ZNF354B: variants seen among roughly 807,000 people sequenced by gnomAD.
ZNF354B encodes zinc finger protein 354B.
A neutral mutation model predicts 12.9 loss-of-function variants in ZNF354B; 10 were observed. That is an observed-to-expected ratio of 0.77 (90% CI 0.48 to 1.31). The LOEUF is 1.31. Among genes scored for constraint, ZNF354B ranks in the 40% most tolerant of loss-of-function variants. ZNF354B has a pLI of 0.00. For synonymous variants in ZNF354B, 260 were observed against 243.7 expected, an observed-to-expected ratio of 1.07 and a Z score of -0.62; for missense variants, 614 against 711.7, an observed-to-expected ratio of 0.86 and a Z score of 1.56.
rs746550681 is a variant in ZNF354B, at chr5:178,883,289, C to T, written c.837C>T (p.Phe279=). 2 of 1,613,414 alleles carry T rather than the reference C, an allele frequency of 1.2e-6. No individual in the cohort carries two copies. Among genetic ancestry groups the T allele is most frequent in the Admixed American group, 1.7e-5 (1 of 59,892 alleles). The change falls in exon 5 of 5, where the codon TTC becomes TTT. Residue 279 remains phenylalanine (F), a synonymous_variant. Coordinates refer to ENST00000322434, the MANE Select transcript of ZNF354B (RefSeq NM_058230.3). ...PYICKECGKA[F]SHSASLCKHL... ...TATGTAAAGAATGTGGGAAAGCCTT[C>T]AGCCATAGTGCATCCCTTTGTAAGC...
intron 4 of ZNF354B, among the ~76,000 whole-genome samples, chr5:178,869,034 G>A (rs1757512731): frequency 6.6e-6 from 1 of 152,118 alleles, no homozygotes; most frequent in Admixed American, 6.5e-5. Context: ...GTGAGGAGAA[G>A]GTAGAGCCAG....
chr5:178,870,618 G>A (rs1037263402), intron 4 of ZNF354B, among the ~76,000 whole-genome samples: 1 of 152,190 alleles, frequency 6.6e-6, no homozygotes, highest in African/African-American at 2.4e-5. Flanking sequence ...TCTTGGGTAG[G>A]CTGAATGGTG....
At chr5:178,879,625 C>T (rs909470542) in intron 4 of ZNF354B, among the ~76,000 whole-genome samples, 4 of 150,496 alleles carry the variant, frequency 2.7e-5, no homozygotes, top group South Asian at 2.1e-4. Flanking sequence ...GTGATCTGCC[C>T]GTCTCAGCCT....
At chr5:178,873,611 C>T (rs1757594011) in intron 4 of ZNF354B, among the ~76,000 whole-genome samples, 1 of 152,128 alleles carries the variant, frequency 6.6e-6, no homozygotes, top group African/African-American at 2.4e-5. Flanking sequence ...GTTTTCTTTT[C>T]TGTTCCATTG....
At chr5:178,861,923 C>G (rs1343305855) in intron 2 of ZNF354B, among the ~76,000 whole-genome samples, 1 of 152,118 alleles carries the variant, frequency 6.6e-6, no homozygotes, top group African/African-American at 2.4e-5. Flanking sequence ...GGAAAGTGTT[C>G]GGATCAGGGC....
At chr5:178,871,373 G>A (rs1757562909) in intron 4 of ZNF354B, among the ~76,000 whole-genome samples, 1 of 152,192 alleles carries the variant, frequency 6.6e-6, no homozygotes, top group Non-Finnish European at 1.5e-5. Context: ...CGTCCATGTG[G>A]CTCACTCACT....
At position 178,884,207 on chromosome 5, in the gene ZNF354B, A is replaced by G; in HGVS notation, c.1755A>G (p.Lys585=). ...CCTATGAATGTAATGCATGTGGGAA[A>G]CTCTTTAGCCAGAGGTCATCCCTTA... ...EKPYECNACG[K]LFSQRSSLTN... Residue 585 remains lysine, a synonymous_variant, in exon 5 of 5, where the codon AAA becomes AAG. Coordinates refer to ENST00000322434, the MANE Select transcript of ZNF354B (RefSeq NM_058230.3). 6.2e-7 allele frequency: 1 copy of G among 1,613,928 alleles called. No homozygotes were observed. Among genetic ancestry groups the G allele is most frequent in the Non-Finnish European group, 8.5e-7 (1 of 1,179,894 alleles).
intron 4 of ZNF354B, among the ~76,000 whole-genome samples, chr5:178,876,288 G>T (rs529190283): frequency 6.6e-6 from 1 of 152,356 alleles, no homozygotes; most frequent in African/African-American, 2.4e-5. Flanking sequence ...GTGGGGAACA[G>T]TCTGGCCGCG....
chr5:178,882,682 T>C, intron 4 of ZNF354B, 27 bp from the exon 5 acceptor site: 1 of 1,525,720 alleles, frequency 6.6e-7, no homozygotes, highest in African/African-American at 1.4e-5. Context: ...AATCATGGGC[T>C]GTTGCTTTCT....
chr5:178,883,329 A>G lies in ZNF354B; in HGVS notation c.877A>G (p.Thr293Ala), dbSNP rs1382268283. 1 of 1,613,950 alleles carries G rather than the reference A, an allele frequency of 6.2e-7. No individual in the cohort carries two copies. Among genetic ancestry groups the G allele is most frequent in the Non-Finnish European group, 8.5e-7 (1 of 1,179,974 alleles). Residue 293 changes from threonine to alanine, a missense_variant, in exon 5 of 5, where the codon ACT (threonine) becomes GCT (alanine). Transcript: ENST00000322434. ...CCTTTGTAAGCATTTAAGGACCCAT[A>G]CTGTGGAGAAATGCTATAGATGTAA... ...ASLCKHLRTH[T>A]VEKCYRCKEC...
At position 178,884,925 on chromosome 5, in the gene ZNF354B, A is replaced by G. The variant is rs934919255; in HGVS notation, c.*634A>G. On this transcript the variant is annotated 3_prime_UTR_variant, in exon 5 of 5. Transcript: ENST00000322434. ...TATTAGAGCAAAGGACCAATAAGAG[A>G]TAAAAACTAACTGAACTACCTCTTA... is the stretch of plus-strand genomic sequence containing the variant. 6.6e-6 allele frequency: 1 copy of G among 152,182 alleles called. No homozygotes were observed. Among genetic ancestry groups the G allele is most frequent in the African/African-American group, 2.4e-5 (1 of 41,442 alleles). 9.4% of individuals were successfully genotyped at this position (152,182 alleles called of 1,614,324 possible).
Position 178,884,908 on chromosome 5 carries a change from C to T in ZNF354B, c.*617C>T, listed in dbSNP as rs999570142. 3.3e-5 allele frequency: 5 copies of T among 152,048 alleles called. No individual in the cohort carries two copies. The highest frequency in any genetic ancestry group is 1.2e-4 in the African/African-American group (5 of 41,418). 9.4% of individuals were successfully genotyped at this position (152,048 alleles called of 1,614,324 possible). On this transcript the variant is annotated 3_prime_UTR_variant, in exon 5 of 5. Coordinates refer to ENST00000322434, the MANE Select transcript of ZNF354B (RefSeq NM_058230.3). ...TATATATATATATGCAGTATTAGAG[C>T]AAAGGACCAATAAGAGATAAAAACT...
rs753353773 is a variant in ZNF354B, at chr5:178,883,688, C to T, written c.1236C>T (p.Cys412=). The T allele has an allele frequency of 1.2e-6, 2 of 1,613,892 alleles. No homozygotes were observed. Among genetic ancestry groups the T allele is most frequent in the African/African-American group, 2.7e-5 (2 of 74,898 alleles). Residue 412 remains cysteine (C), a synonymous_variant, in exon 5 of 5, where the codon TGC becomes TGT. Transcript: ENST00000322434. ...ACACCGGAGAAAAGCCCTATAGATGCAATGAATGTGGGAAAGGCTTTACTT... is the reference window on the plus strand; with the variant it reads ...ACACCGGAGAAAAGCCCTATAGATGTAATGAATGTGGGAAAGGCTTTACTT... ...RIHTGEKPYR[C]NECGKGFTSI...
chr5:178,883,341 T>C lies in ZNF354B; in HGVS notation c.889T>C (p.Cys297Arg). The C allele has an allele frequency of 6.2e-7, 1 of 1,613,804 alleles. No homozygotes were observed. Among genetic ancestry groups the C allele is most frequent in the Non-Finnish European group, 8.5e-7 (1 of 1,179,924 alleles). The change falls in exon 5 of 5, where the codon TGC (cysteine) becomes CGC (arginine). Residue 297 changes from cysteine to arginine, a missense_variant. Cys to Arg is a radical substitution (Grantham distance 180). Coordinates refer to ENST00000322434, the MANE Select transcript of ZNF354B (RefSeq NM_058230.3). The stretch of plus-strand genomic sequence containing the variant: ...TTTAAGGACCCATACTGTGGAGAAA[T>C]GCTATAGATGTAAAGAATGTGGTAA... ...KHLRTHTVEK[C>R]YRCKECGKSF... is the part of the protein sequence containing the mutation.
At position 178,884,389 on chromosome 5, in the gene ZNF354B, G is replaced by A. The variant is rs78387453; in HGVS notation, c.*98G>A. 7,540 of 1,295,216 alleles carry A rather than the reference G, an allele frequency of 5.8e-3. 457 individuals are homozygous for A. The East Asian group carries it at 0.14, about 24-fold the overall frequency. 80.2% of individuals were successfully genotyped at this position (1,295,216 alleles called of 1,614,324 possible). A position where few individuals can be genotyped will look rare whatever the true frequency, so the allele number is the denominator to read the frequency against. Reference sequence around the variant, plus strand: ...ACTCTTAGTTCTCATCAGATACTAAGTTTTAAGAATAAACTTTAGCTATGT... The same window carrying A: ...ACTCTTAGTTCTCATCAGATACTAAATTTTAAGAATAAACTTTAGCTATGT... On this transcript the variant is annotated 3_prime_UTR_variant, in exon 5 of 5. Coordinates refer to ENST00000322434, the MANE Select transcript of ZNF354B (RefSeq NM_058230.3).
At chr5:178,875,784 A>G (rs1409795759) in intron 4 of ZNF354B, among the ~76,000 whole-genome samples, 1 of 151,946 alleles carries the variant, frequency 6.6e-6, no homozygotes, top group Non-Finnish European at 1.5e-5. Context: ...AGAAGCCCAG[A>G]TGAAGGCTTC....
At chr5:178,868,613 A>G (rs34195168) in intron 4 of ZNF354B, among the ~76,000 whole-genome samples, 63 of 152,084 alleles carry the variant, frequency 4.1e-4, no homozygotes, top group South Asian at 1.0e-3. Context: ...GGCAGGTGGC[A>G]TCAGCAAAGG....
intron 2 of ZNF354B, among the ~76,000 whole-genome samples, chr5:178,861,641 G>C (rs1244432206): frequency 3.4e-5 from 5 of 148,838 alleles, no homozygotes; most frequent in Non-Finnish European, 7.5e-5. Flanking sequence ...GAACAGAGTT[G>C]GAGAGGTCGC....
chr5:178,874,967 G>T (rs1168285291), intron 4 of ZNF354B, among the ~76,000 whole-genome samples: 1 of 152,176 alleles, frequency 6.6e-6, no homozygotes, highest in East Asian at 1.9e-4. Context: ...CTGAATTCTT[G>T]TCCTAGTTTC....
Sources: allele counts gnomAD v4.1 joint callset (sites outside exome capture counted in the v4.1 genomes callset), GRCh38; gene constraint gnomAD v4.1.1; transcripts MANE v1.5; gene names NCBI Gene and HGNC (gene_info 2026-07-23, HGNC 2026-07-21).